MTFR1: variants seen among roughly 807,000 people sequenced by gnomAD.
MTFR1 encodes the protein chondrocyte protein with a poly-proline region.
MTFR1 carries 28 observed loss-of-function variants against 38.8 expected under a neutral mutation model. The observed-to-expected ratio is 0.72, with a 90% CI of 0.53 to 0.99. MTFR1 has a LOEUF of 0.99. Ranked by LOEUF, MTFR1 falls within the 50% of genes least tolerant of loss-of-function variation. The probability of loss-of-function intolerance (pLI) is 0.00; values close to 1 mark genes in which losing one functional copy is unlikely to be tolerated. For missense variants in MTFR1, 358 were observed against 395.5 expected (o/e 0.91, Z 0.81); for synonymous variants, 145 against 137.0 (o/e 1.06, Z -0.41).
chr8:65,711,559 C>T (rs369203295), downstream of MTFR1, among the ~76,000 whole-genome samples: 4 of 152,320 alleles, frequency 2.6e-5, no homozygotes, highest in South Asian at 8.3e-4. Context: ...TCTGTGTCCT[C>T]TTTCCCTTTC....
intron 4 of MTFR1, among the ~76,000 whole-genome samples, chr8:65,704,041 A>G (rs981074976): frequency 6.6e-6 from 1 of 152,216 alleles, no homozygotes; most frequent in Non-Finnish European, 1.5e-5. Flanking sequence ...GGGAAACCCT[A>G]TCTGGGCTCT....
intron 1 of MTFR1, among the ~76,000 whole-genome samples, chr8:65,655,951 A>AAAATATATATATATATGT: frequency 1.8e-5 from 1 of 55,380 alleles, no homozygotes; most frequent in African/African-American, 1.3e-4. Context: ...TAAAAAAAAA[A>AAAATATATATATATATGT]ATATATATAT....
intron 1 of MTFR1, among the ~76,000 whole-genome samples, chr8:65,657,360 T>G (rs1292362438): frequency 6.6e-6 from 1 of 152,174 alleles, no homozygotes; most frequent in Non-Finnish European, 1.5e-5. Context: ...AGTTTTTGTT[T>G]TTGTTGTTGT....
At chr8:65,744,612 C>T (rs1343695162) in intron 3 of MTFR1, among the ~76,000 whole-genome samples, 2 of 152,178 alleles carry the variant, frequency 1.3e-5, no homozygotes, top group Non-Finnish European at 1.5e-5. Flanking sequence ...TACAGCTCTT[C>T]CCCATTCCCT....
chr8:65,708,746 T>C (rs1019317546), intron 7 of MTFR1, among the ~76,000 whole-genome samples: 2 of 152,216 alleles, frequency 1.3e-5, no homozygotes, highest in Non-Finnish European at 2.9e-5. Flanking sequence ...AAGATGGTTG[T>C]AGTTTTCATT....
At chr8:65,657,273 A>T (rs1809294778) in intron 1 of MTFR1, among the ~76,000 whole-genome samples, 1 of 152,154 alleles carries the variant, frequency 6.6e-6, no homozygotes, top group Non-Finnish European at 1.5e-5. Context: ...TTGGCCTCCC[A>T]AAGTGCTGGG....
intron 4 of MTFR1, among the ~76,000 whole-genome samples, chr8:65,697,558 T>G (rs1468419709): frequency 6.6e-6 from 1 of 152,252 alleles, no homozygotes; most frequent in African/African-American, 2.4e-5. Context: ...TTCCAGTTTT[T>G]GGCTGTTAAA....
intron 1 of MTFR1, among the ~76,000 whole-genome samples, chr8:65,651,223 A>G (rs540353646): frequency 6.6e-6 from 1 of 151,620 alleles, no homozygotes; most frequent in Non-Finnish European, 1.5e-5. Flanking sequence ...TAGTTTGCAA[A>G]TTTTTTTTCC....
intron 2 of MTFR1, among the ~76,000 whole-genome samples, chr8:65,670,380 A>G (rs1215549421): frequency 1.3e-5 from 2 of 152,206 alleles, no homozygotes; most frequent in Admixed American, 6.5e-5. Flanking sequence ...ATGCTGTTAT[A>G]ATGTGTTTAA....
chr8:65,728,649 C>T (rs532955184), intron 3 of MTFR1: 1 of 120,620 alleles, frequency 8.3e-6, no homozygotes, highest in Non-Finnish European at 2.0e-5. Flanking sequence ...ATAAAGCATA[C>T]TGCATATAAA....
At chr8:65,734,843 T>C in intron 3 of MTFR1, 1 of 1,612,814 alleles carries the variant, frequency 6.2e-7, no homozygotes, top group Non-Finnish European at 8.5e-7. Context: ...ATCCGCAGCG[T>C]GGACTGCGTT....
At chr8:65,777,619 G>A in the MTFR1 span, among the ~76,000 whole-genome samples, 4 of 152,044 alleles carry the variant, frequency 2.6e-5, no homozygotes, top group African/African-American at 7.2e-5. Flanking sequence ...CTAGCCTTAC[G>A]TAACAAATTG....
downstream of MTFR1, among the ~76,000 whole-genome samples, chr8:65,712,478 A>G (rs184122833): frequency 6.6e-6 from 1 of 152,384 alleles, no homozygotes. Flanking sequence ...TAAAGATGTT[A>G]TGAGGTACAA....
intron 1 of MTFR1, among the ~76,000 whole-genome samples, chr8:65,662,020 CCT>C (rs1391434193): frequency 4.4e-5 from 6 of 136,988 alleles, no homozygotes; most frequent in African/African-American, 1.1e-4. Flanking sequence ...TCTCTCTCTC[CCT>C]CTCTCTCTCC....
At chr8:65,755,988 T>G (rs773471122) in intron 3 of MTFR1, among the ~76,000 whole-genome samples, 1 of 152,244 alleles carries the variant, frequency 6.6e-6, no homozygotes, top group Non-Finnish European at 1.5e-5. Flanking sequence ...TCTGGAAATA[T>G]GTTAAACTCC....
intron 4 of MTFR1, among the ~76,000 whole-genome samples, chr8:65,696,616 A>G (rs1805450142): frequency 2.6e-5 from 4 of 152,108 alleles, no homozygotes; most frequent in South Asian, 2.1e-4. Flanking sequence ...TAACTATTTT[A>G]TCATTTAAAG....
At chr8:65,769,484 C>T (rs1271463360) in intron 3 of MTFR1, among the ~76,000 whole-genome samples, 3 of 152,112 alleles carry the variant, frequency 2.0e-5, no homozygotes, top group Non-Finnish European at 4.4e-5. Flanking sequence ...CATCAAAATC[C>T]CTCTATCTTG....
intron 3 of MTFR1, among the ~76,000 whole-genome samples, chr8:65,748,482 G>T (rs1373663041): frequency 3.9e-5 from 6 of 152,258 alleles, no homozygotes; most frequent in African/African-American, 1.2e-4. Context: ...TCTAGTGTTA[G>T]AATAAACCAG....
upstream of MTFR1, among the ~76,000 whole-genome samples, chr8:65,644,384 T>C (rs1258829849): frequency 6.6e-6 from 1 of 152,040 alleles, no homozygotes; most frequent in African/African-American, 2.4e-5. Flanking sequence ...ACATGTTAGG[T>C]TAACAAAAGC....
Sources: allele counts gnomAD v4.1 joint callset (sites outside exome capture counted in the v4.1 genomes callset), GRCh38; gene constraint gnomAD v4.1.1; transcripts MANE v1.5; gene names NCBI Gene and HGNC (gene_info 2026-07-23, HGNC 2026-07-21).